Variants in VOPP1 observed in about 807,000 individuals in gnomAD.
VOPP1 encodes the protein WW domain binding protein VOPP1.
Under a neutral mutation model 23.5 loss-of-function variants are expected in VOPP1, and 8 were observed. That is an observed-to-expected ratio of 0.34 (90% CI 0.20 to 0.61). The LOEUF is 0.61. Among genes scored for constraint, VOPP1 ranks in the 20% least tolerant of loss-of-function variants. VOPP1 has a pLI of 0.78. For missense variants in VOPP1, 174 were observed against 238.1 expected (o/e 0.73, Z 1.77); for synonymous variants, 83 against 97.3 (o/e 0.85, Z 0.86).
intron 1 of VOPP1, among the ~76,000 whole-genome samples, chr7:55,525,163 G>C (rs55985994): frequency 0.58 from 87,422 of 151,918 alleles, 27,656 homozygotes; most frequent in Non-Finnish European, 0.69. Flanking sequence ...CACACCGCCA[G>C]CCAGTCTGGG....
intron 2 of VOPP1, among the ~76,000 whole-genome samples, chr7:55,499,429 T>G (rs1371244013): frequency 6.6e-6 from 1 of 152,122 alleles, no homozygotes; most frequent in Non-Finnish European, 1.5e-5. Context: ...CTCCTGACAC[T>G]CCATGCATCC....
chr7:55,540,643 T>C (rs1241362110), intron 1 of VOPP1, among the ~76,000 whole-genome samples: 5 of 152,132 alleles, frequency 3.3e-5, no homozygotes, highest in Non-Finnish European at 7.4e-5. Flanking sequence ...ATAAGTTCCA[T>C]GTGTATGGAC....
chr7:55,448,530 G>T (rs752279999), intron 4 of VOPP1, among the ~76,000 whole-genome samples: 4 of 149,206 alleles, frequency 2.7e-5, no homozygotes, highest in African/African-American at 9.7e-5. Context: ...TTGATTTTTC[G>T]CTCGAGCCCC....
At chr7:55,534,738 G>A (rs918157502) in intron 1 of VOPP1, among the ~76,000 whole-genome samples, 2 of 152,190 alleles carry the variant, frequency 1.3e-5, no homozygotes, top group Admixed American at 1.3e-4. Flanking sequence ...TGGGATCTCT[G>A]CCAGGTGCCC....
intron 1 of VOPP1, among the ~76,000 whole-genome samples, chr7:55,538,006 G>A (rs1415829849): frequency 3.3e-5 from 5 of 152,138 alleles, no homozygotes; most frequent in Admixed American, 3.3e-4. Context: ...CCCCCATTCA[G>A]CTCACACACC....
chr7:55,572,349 G>C lies in VOPP1; in HGVS notation c.-25C>G. 7.5e-7 allele frequency: 1 copy of C among 1,337,478 alleles called. No individual in the cohort carries two copies. The highest frequency in any genetic ancestry group is 9.6e-7 in the Non-Finnish European group (1 of 1,045,420). The allele number at this position is 1,337,478 out of a possible 1,614,324, so 82.9% of individuals were successfully genotyped here. The stretch of plus-strand genomic sequence containing the variant: ...TGGCTCCTCGCGTCCTCTCCAGCGC[G>C]CCCGGACGCCGGGTCGCAGGCGCGC... On this transcript the variant is annotated 5_prime_UTR_variant, in exon 1 of 5. Transcript: ENST00000285279.
intron 1 of VOPP1, among the ~76,000 whole-genome samples, chr7:55,536,406 G>A (rs1442511176): frequency 1.3e-5 from 2 of 152,096 alleles, no homozygotes; most frequent in Non-Finnish European, 2.9e-5. Context: ...GCGGGCGCCT[G>A]TAGTCCCAGC....
Position 55,451,514 on chromosome 7 carries a change from G to A in VOPP1, n.418-15340C>T, listed in dbSNP as rs138597902. On this transcript the variant is annotated intron_variant and non_coding_transcript_variant, in intron 4 of 4. Coordinates refer to the VOPP1 transcript ENST00000462326. ...CATTAAAAAATACTTTATTGTGGCCGGATGTAGTGGCTCACGCCTGTAATC... is the reference window on the plus strand; with the variant it reads ...CATTAAAAAATACTTTATTGTGGCCAGATGTAGTGGCTCACGCCTGTAATC... 2.4e-4 allele frequency among the ~76,000 whole-genome samples: 37 copies of A among 152,322 alleles called. 1 individual carries two copies. In the East Asian group the frequency reaches 2.5e-3, roughly 10 times the overall value.
chr7:55,567,456 G>A (rs1798200167), intron 1 of VOPP1, among the ~76,000 whole-genome samples: 1 of 152,194 alleles, frequency 6.6e-6, no homozygotes, highest in African/African-American at 2.4e-5. Context: ...TCATCAAGAG[G>A]ACATGATAGA....
At chr7:55,514,818 T>C (rs1262332421) in intron 2 of VOPP1, among the ~76,000 whole-genome samples, 1 of 152,188 alleles carries the variant, frequency 6.6e-6, no homozygotes, top group East Asian at 1.9e-4. Flanking sequence ...AGACTCTGTG[T>C]CTCAGCTAGT....
chr7:55,553,096 A>C (rs1231227343), intron 1 of VOPP1, among the ~76,000 whole-genome samples: 1 of 152,240 alleles, frequency 6.6e-6, no homozygotes, highest in Non-Finnish European at 1.5e-5. Context: ...CAATCTTCCT[A>C]AAATAAACTT....
At chr7:55,474,456 A>G (rs1792082880) in intron 4 of VOPP1, among the ~76,000 whole-genome samples, 1 of 152,234 alleles carries the variant, frequency 6.6e-6, no homozygotes, top group African/African-American at 2.4e-5. Context: ...AATGGAGAAG[A>G]GAGAATGAGG....
chr7:55,537,491 G>A (rs754928238), intron 1 of VOPP1: 38 of 1,535,956 alleles, frequency 2.5e-5, no homozygotes, highest in African/African-American at 1.1e-4. Context: ...ACCACCAGCC[G>A]AGCAAGCACC....
chr7:55,495,367 C>T (rs1793879078), intron 3 of VOPP1, among the ~76,000 whole-genome samples: 1 of 152,222 alleles, frequency 6.6e-6, no homozygotes, highest in Non-Finnish European at 1.5e-5. Context: ...TCAGGAGACA[C>T]CTTCAAACGT....
At chr7:55,473,989 A>G (rs997454507) in intron 4 of VOPP1, among the ~76,000 whole-genome samples, 9 of 152,236 alleles carry the variant, frequency 5.9e-5, no homozygotes, top group African/African-American at 2.2e-4. Context: ...ATCAAGGTAC[A>G]CAAGATGTCC....
intron 4 of VOPP1, among the ~76,000 whole-genome samples, chr7:55,481,478 T>C (rs574534108): frequency 3.9e-5 from 6 of 152,208 alleles, no homozygotes; most frequent in Non-Finnish European, 8.8e-5. Flanking sequence ...CAGGGTGGTG[T>C]CGAGAGAAAA....
chr7:55,435,109 G>A (rs541845310), downstream of VOPP1, among the ~76,000 whole-genome samples: 19 of 152,326 alleles, frequency 1.2e-4, no homozygotes, highest in East Asian at 2.7e-3. Context: ...TACCTTTCAT[G>A]AGCCTCATAG....
chr7:55,513,007 C>T (rs1028575497), intron 2 of VOPP1, among the ~76,000 whole-genome samples: 25 of 152,236 alleles, frequency 1.6e-4, no homozygotes, highest in Admixed American at 1.2e-3. Flanking sequence ...CCACTCACAG[C>T]ATTAATTATT....
intron 1 of VOPP1, among the ~76,000 whole-genome samples, chr7:55,530,281 A>G (rs559803197): frequency 3.3e-5 from 5 of 152,226 alleles, no homozygotes; most frequent in Admixed American, 1.3e-4. Flanking sequence ...GATATTAGCC[A>G]TCTAGTACTG....
Sources: gnomAD v4.1 joint callset for allele counts (sites outside exome capture counted in the v4.1 genomes callset) on GRCh38, gnomAD v4.1.1 for gene constraint, MANE v1.5 for transcripts, NCBI Gene and HGNC (gene_info 2026-07-23, HGNC 2026-07-21) for gene names.